The following TMIGD3 variants were observed in gnomAD, a reference collection of about 807,000 sequenced individuals.
The protein encoded by TMIGD3 is transmembrane and immunoglobulin domain containing 3.
TMIGD3 carries 21 observed loss-of-function variants against 28.1 expected under a neutral mutation model. The ratio of observed to expected loss-of-function variants is 0.75; its 90% CI spans 0.53 to 1.08. TMIGD3 has a LOEUF of 1.08. Among genes scored for constraint, TMIGD3 ranks in the 50% least tolerant of loss-of-function variants. The pLI is 0.00. For synonymous variants in TMIGD3, 151 were observed against 162.1 expected (o/e 0.93, Z 0.52); for missense variants, 416 against 435.6 (o/e 0.96, Z 0.40).
chr1:111,534,376 G>T (rs1656570078), intron 1 of TMIGD3, among the ~76,000 whole-genome samples: 1 of 152,178 alleles, frequency 6.6e-6, no homozygotes, highest in African/African-American at 2.4e-5. Flanking sequence ...GGCATCCTGG[G>T]TTGTAGGAAT....
intron 5 of TMIGD3, among the ~76,000 whole-genome samples, chr1:111,484,656 C>T (rs1004370778): frequency 6.6e-6 from 1 of 152,176 alleles, no homozygotes; most frequent in Non-Finnish European, 1.5e-5. Context: ...AAGTATGAGG[C>T]CTTGAAGCCT....
chr1:111,506,948 CACACACAT>C (rs1655518532), upstream of TMIGD3, among the ~76,000 whole-genome samples: 17 of 91,660 alleles, frequency 1.9e-4, no homozygotes, highest in South Asian at 4.5e-4. Flanking sequence ...CATATATATA[CACACACAT>C]ATATATATAC....
At chr1:111,535,128 G>A (rs995949666) in intron 1 of TMIGD3, among the ~76,000 whole-genome samples, 8 of 152,156 alleles carry the variant, frequency 5.3e-5, no homozygotes, top group Admixed American at 3.9e-4. Flanking sequence ...CTACCTTATA[G>A]ACTAATATTG....
At chr1:111,504,729 G>T, upstream of TMIGD3, 1 of 275,218 alleles carries the variant, frequency 3.6e-6, no homozygotes, top group Non-Finnish European at 5.5e-6. Flanking sequence ...CTTCAGAGTG[G>T]GGCATAAGGG....
At chr1:111,509,425 C>A (rs139045654) in intron 1 of TMIGD3, among the ~76,000 whole-genome samples, 2 of 152,294 alleles carry the variant, frequency 1.3e-5, no homozygotes, top group African/African-American at 4.8e-5. Context: ...GGTGTCCCCA[C>A]CCCTATCACA....
chr1:111,488,784 T>A lies in TMIGD3; in HGVS notation c.698A>T (p.Tyr233Phe). 6.2e-7 allele frequency: 1 copy of A among 1,614,226 alleles called. No homozygotes were observed. The highest frequency in any genetic ancestry group is 8.5e-7 in the Non-Finnish European group (1 of 1,180,032). Reference protein sequence around the residue: ...SCLTKEDTGWYWCGIQRDFAR... With the variant: ...SCLTKEDTGWFWCGIQRDFAR... ...AAAGTCCCGCTGGATGCCACACCAG[T>A]ACCAGCCCGTGTCCTCTTTGGTCAG... The change falls in exon 3 of 6, where the codon TAC becomes TTC. Residue 233 changes from tyrosine (Y) to phenylalanine (F), a missense_variant. Coordinates refer to ENST00000369716, the MANE Select transcript of TMIGD3 (RefSeq NM_020683.7).
At chr1:111,508,825 G>A (rs1260176748) in intron 1 of TMIGD3, among the ~76,000 whole-genome samples, 4 of 152,206 alleles carry the variant, frequency 2.6e-5, no homozygotes, top group Non-Finnish European at 5.9e-5. Context: ...CGCCAGGCGC[G>A]GTGGCTCATG....
chr1:111,514,630 C>T (rs958713878), intron 1 of TMIGD3, among the ~76,000 whole-genome samples: 14 of 111,782 alleles, frequency 1.3e-4, no homozygotes, highest in African/African-American at 4.0e-4. Context: ...TATGAGTGTG[C>T]ATACAGTATG....
chr1:111,542,368 A>C (rs974572490), intron 1 of TMIGD3: 1 of 268,294 alleles, frequency 3.7e-6, no homozygotes, highest in Non-Finnish European at 7.9e-6. Flanking sequence ...GGACTGTGCC[A>C]GCTGAGAGGT....
At chr1:111,493,796 G>A (rs750117073) in intron 1 of TMIGD3, among the ~76,000 whole-genome samples, 1 of 152,164 alleles carries the variant, frequency 6.6e-6, no homozygotes, top group African/African-American at 2.4e-5. Context: ...AAATCTGGGA[G>A]GAAAACAAAC....
At chr1:111,501,914 C>T (rs886163364) in intron 1 of TMIGD3, among the ~76,000 whole-genome samples, 2 of 150,884 alleles carry the variant, frequency 1.3e-5, no homozygotes, top group African/African-American at 2.4e-5. Context: ...TTTGGCAGTT[C>T]GTTCTATTCA....
At chr1:111,545,930 A>G (rs893817643) in intron 1 of TMIGD3, among the ~76,000 whole-genome samples, 6 of 152,164 alleles carry the variant, frequency 3.9e-5, no homozygotes, top group Non-Finnish European at 8.8e-5. Context: ...AATTGTCCAC[A>G]GGTGGATGGA....
chr1:111,537,340 G>A lies in TMIGD3; in HGVS notation c.107+26506C>T, dbSNP rs1656671857. Among the ~76,000 whole-genome samples the A allele has an allele frequency of 2.6e-5, 4 of 152,194 alleles. No homozygotes were observed. The South Asian group carries it at 6.2e-4, about 24-fold the overall frequency. Reference sequence around the variant, plus strand: ...GTATTCCAATGTCCAACAGAGTGGAGGAGCTCAATAAATATCTTGTGTTGG... The same window carrying A: ...GTATTCCAATGTCCAACAGAGTGGAAGAGCTCAATAAATATCTTGTGTTGG... On this transcript the variant is annotated intron_variant, in intron 1 of 5. Coordinates refer to the TMIGD3 transcript ENST00000369717.
At chr1:111,486,129 G>T (rs1654355506) in intron 4 of TMIGD3, among the ~76,000 whole-genome samples, 1 of 152,080 alleles carries the variant, frequency 6.6e-6, no homozygotes, top group South Asian at 2.1e-4. Flanking sequence ...GAATGGGGGA[G>T]AAATAAACTT....
chr1:111,498,874 C>A (rs771663203), intron 1 of TMIGD3, among the ~76,000 whole-genome samples: 10 of 152,072 alleles, frequency 6.6e-5, no homozygotes, highest in Non-Finnish European at 1.2e-4. Flanking sequence ...ATCACTTGAG[C>A]CCAGGAGTTC....
chr1:111,518,151 C>T (rs1473389585), intron 1 of TMIGD3, among the ~76,000 whole-genome samples: 1 of 152,220 alleles, frequency 6.6e-6, no homozygotes, highest in East Asian at 1.9e-4. Context: ...AACTGTTTGA[C>T]AGATTGTGGC....
intron 2 of TMIGD3, 136 bp downstream of exon 2, chr1:111,490,520 C>A: frequency 1.6e-6 from 1 of 632,746 alleles, no homozygotes; most frequent in Non-Finnish European, 2.8e-6. Flanking sequence ...ATTTTCATCG[C>A]CTTTTATTTT....
chr1:111,544,758 G>C (rs528369064), intron 1 of TMIGD3, among the ~76,000 whole-genome samples: 3 of 151,172 alleles, frequency 2.0e-5, no homozygotes, highest in African/African-American at 4.9e-5. Flanking sequence ...AATTTCTTGG[G>C]TATATCCAAT....
intron 1 of TMIGD3, among the ~76,000 whole-genome samples, chr1:111,522,743 C>G (rs1656119309): frequency 1.3e-5 from 2 of 152,062 alleles, no homozygotes; most frequent in East Asian, 3.8e-4. Flanking sequence ...GTCTCGAACT[C>G]CTGACCTCGT....
Sources: gnomAD v4.1 joint callset for allele counts (sites outside exome capture counted in the v4.1 genomes callset) on GRCh38, gnomAD v4.1.1 for gene constraint, MANE v1.5 for transcripts, NCBI Gene and HGNC (gene_info 2026-07-23, HGNC 2026-07-21) for gene names.